Variants in RUSC2 observed in about 807,000 individuals in gnomAD.
RUSC2 encodes RUN and SH3 domain containing 2.
A neutral mutation model predicts 122.2 loss-of-function variants in RUSC2; 34 were observed. The ratio of observed to expected loss-of-function variants is 0.28; its 90% CI spans 0.21 to 0.37. The LOEUF (loss-of-function observed/expected upper bound fraction) is 0.37, where lower values mean the gene tolerates loss of function less well. RUSC2 is among the 10% of genes least tolerant of loss of function. The pLI is 1.00. For synonymous variants in RUSC2, 784 were observed against 790.0 expected, an observed-to-expected ratio of 0.99 and a Z score of 0.13; for missense variants, 1,747 against 1,952.4, an observed-to-expected ratio of 0.89 and a Z score of 1.98.
At chr9:35,553,734 CAG>C (rs1353382758) in intron 2 of RUSC2, among the ~76,000 whole-genome samples, 1 of 152,136 alleles carries the variant, frequency 6.6e-6, no homozygotes, top group Non-Finnish European at 1.5e-5. Context: ...AGGGAGAATG[CAG>C]AGTCTGTGTA....
In RUSC2 at chr9:35,502,870, G is replaced by GT. The variant is rs553766931; in HGVS notation, c.-93+12705dup. On this transcript the variant is annotated intron_variant, in intron 1 of 11. Coordinates refer to ENST00000361226, the MANE Select transcript of RUSC2 (RefSeq NM_014806.5). ...TTTTTTGTTTTTGTTTTTTGTTTTT[G>GT]TTTTTTTGAGACGGAGTTTTGCTCT... is the stretch of plus-strand genomic sequence containing the variant. Among the ~76,000 whole-genome samples the GT allele has an allele frequency of 3.4e-4, 52 of 151,746 alleles. No individual in the cohort carries two copies. The South Asian group carries it at 9.2e-3, about 27-fold the overall frequency.
In RUSC2 at chr9:35,561,259, G is replaced by A. The variant is rs1442254930; in HGVS notation, c.4428G>A (p.Val1476=). The A allele has an allele frequency of 1.2e-6, 2 of 1,614,204 alleles. No homozygotes were observed. The highest frequency in any genetic ancestry group is 1.7e-5 in the Admixed American group (1 of 60,030). Residue 1476 remains valine, a synonymous_variant, in exon 12 of 12, where the codon GTG becomes GTA. Transcript: ENST00000361226. ...TCCACAAAGGAGACATCCTACGAGT[G>A]CTGGGGCGAGCTGGAGGAGACTGGC... The part of the protein sequence containing the change: ...LSFHKGDILR[V]LGRAGGDWLR...
chr9:35,537,128 TTGTCTGTGA>T (rs781448761), intron 1 of RUSC2, among the ~76,000 whole-genome samples: 3 of 152,130 alleles, frequency 2.0e-5, no homozygotes, highest in Non-Finnish European at 2.9e-5. Context: ...AGTGGCAAGG[TTGTCTGTGA>T]TGTAGTGAAT....
In RUSC2 at chr9:35,548,478, C is replaced by A. The variant is rs765382708; in HGVS notation, c.1957C>A (p.Leu653Ile). The A allele has an allele frequency of 6.2e-7, 1 of 1,613,838 alleles. No homozygotes were observed. Among genetic ancestry groups the A allele is most frequent in the Non-Finnish European group, 8.5e-7 (1 of 1,180,024 alleles). ...LAQLMDPGPALPGSPANSHTQ... is the reference protein window; with the variant it reads ...LAQLMDPGPAIPGSPANSHTQ... ...TCAGCTGATGGATCCAGGGCCTGCT[C>A]TCCCAGGGAGCCCAGCCAACAGCCA... is the stretch of plus-strand genomic sequence containing the variant. Residue 653 changes from leucine (L) to isoleucine (I), a missense_variant, in exon 2 of 12, where the codon CTC (leucine) becomes ATC (isoleucine). Coordinates refer to ENST00000361226, the MANE Select transcript of RUSC2 (RefSeq NM_014806.5). This position sits in a 1 kb window ranked among gnomAD's most constrained non-coding sequence, Gnocchi z 4.5.
At chr9:35,507,963 G>C (rs1244153489) in intron 1 of RUSC2, 1 of 157,346 alleles carries the variant, frequency 6.4e-6, no homozygotes, top group African/African-American at 2.4e-5. Context: ...CATCATTACC[G>C]AAGTTAATAT....
rs115304057 is a variant in RUSC2, at chr9:35,518,038, C to T, written c.-93+27866C>T. Among the ~76,000 whole-genome samples, 1,348 of 152,282 alleles carry T rather than the reference C, an allele frequency of 8.9e-3. 15 individuals are homozygous for T. Among genetic ancestry groups the T allele is most frequent in the African/African-American group, 0.029 (1,215 of 41,560 alleles). On this transcript the variant is annotated intron_variant, in intron 1 of 11. Coordinates refer to ENST00000361226, the MANE Select transcript of RUSC2 (RefSeq NM_014806.5). The stretch of plus-strand genomic sequence containing the variant: ...AGCAGTGTTCCTGTCTTTGGGCATC[C>T]TGCCACTATCCTAGGCATGGGTAGT...
At chr9:35,549,921 A>G (rs1005864925) in intron 2 of RUSC2, among the ~76,000 whole-genome samples, 15 of 151,500 alleles carry the variant, frequency 9.9e-5, no homozygotes, top group Non-Finnish European at 1.3e-4. Context: ...TTTAAAAAAA[A>G]AGTAATTGGG....
At chr9:35,539,712 G>A (rs557165473) in intron 1 of RUSC2, among the ~76,000 whole-genome samples, 1 of 152,174 alleles carries the variant, frequency 6.6e-6, no homozygotes, top group African/African-American at 2.4e-5. Context: ...TCTGGCAGGG[G>A]CAGGGACAGT....
chr9:35,555,216 G>C lies in RUSC2; in HGVS notation c.2171G>C (p.Gly724Ala). 6.2e-7 allele frequency: 1 copy of C among 1,613,042 alleles called. No homozygotes were observed. Among genetic ancestry groups the C allele is most frequent in the Non-Finnish European group, 8.5e-7 (1 of 1,180,000 alleles). ...HSLSQLYSLS[G>A]CSRTQQPAPL... Reference sequence around the variant, plus strand: ...CTTTCCCAGCTCTACAGCCTCTCAGGCTGCAGCCGTACACAGCAGCCTGCC... The same window carrying C: ...CTTTCCCAGCTCTACAGCCTCTCAGCCTGCAGCCGTACACAGCAGCCTGCC... Residue 724 changes from glycine (G) to alanine (A), a missense_variant, in exon 3 of 12, where the codon GGC (glycine) becomes GCC (alanine). By Grantham distance (60) the Gly-to-Ala change is moderately conservative. Transcript: ENST00000361226. This position sits in a 1 kb window ranked among gnomAD's most constrained non-coding sequence, Gnocchi z 4.6.
intron 1 of RUSC2, among the ~76,000 whole-genome samples, chr9:35,529,739 A>G (rs1821384841): frequency 1.3e-5 from 2 of 151,996 alleles, no homozygotes; most frequent in Admixed American, 6.6e-5. Context: ...TCATGTTTCC[A>G]TCCTCAGAAT....
intron 2 of RUSC2, among the ~76,000 whole-genome samples, chr9:35,550,879 C>T (rs1450274551): frequency 1.3e-5 from 2 of 151,922 alleles, no homozygotes; most frequent in Admixed American, 6.6e-5. Context: ...AGTTCACCAG[C>T]CTGACCAACA....
intron 2 of RUSC2, among the ~76,000 whole-genome samples, chr9:35,551,610 A>T (rs562823816): frequency 2.6e-5 from 4 of 152,346 alleles, no homozygotes; most frequent in South Asian, 4.1e-4. Context: ...CTATCAGATT[A>T]AGACATATCA....
intron 1 of RUSC2, 76 bp downstream of exon 1, chr9:35,490,248 G>T: frequency 6.5e-6 from 1 of 152,838 alleles, no homozygotes; most frequent in Non-Finnish European, 1.5e-5. Context: ...CCTTAGGGGA[G>T]GGCCTGTCTT....
chr9:35,525,521 C>T (rs923659972), intron 1 of RUSC2, among the ~76,000 whole-genome samples: 3 of 151,778 alleles, frequency 2.0e-5, no homozygotes, highest in African/African-American at 7.3e-5. Flanking sequence ...AATTTTTGGT[C>T]GAGCACGGTG....
intron 1 of RUSC2, among the ~76,000 whole-genome samples, chr9:35,525,887 C>A (rs1322789097): frequency 1.3e-5 from 2 of 152,076 alleles, no homozygotes; most frequent in Non-Finnish European, 2.9e-5. Context: ...GAGTTTGAGA[C>A]CAGCCTGGGC....
chr9:35,549,004 C>A, intron 2 of RUSC2: 2 of 936,496 alleles, frequency 2.1e-6, no homozygotes, highest in Non-Finnish European at 2.5e-6. Flanking sequence ...TGCACTCCAG[C>A]CTGGGCAGAC....
Position 35,558,381 on chromosome 9 carries a change from G to T in RUSC2, c.3235+10G>T, listed in dbSNP as rs762809650. The T allele has an allele frequency of 6.2e-7, 1 of 1,613,880 alleles. No individual in the cohort carries two copies. Among genetic ancestry groups the T allele is most frequent in the Non-Finnish European group, 8.5e-7 (1 of 1,179,820 alleles). ...GCTTCCACACAGCTAGGTAGGTGCT[G>T]GGTGCCAAGACGGGGACCCAGGGCT... On this transcript the variant is annotated intron_variant, in intron 7 of 11. Transcript: ENST00000361226. This position sits in a 1 kb window ranked among gnomAD's most constrained non-coding sequence, Gnocchi z 4.3.
chr9:35,515,955 C>T (rs551563733), intron 1 of RUSC2, among the ~76,000 whole-genome samples: 2 of 134,738 alleles, frequency 1.5e-5, no homozygotes, highest in South Asian at 2.3e-4. Context: ...GCCGAGATTG[C>T]GCCACCACAT....
In RUSC2 at chr9:35,495,251, T is replaced by C. The variant is rs1316749930; in HGVS notation, c.-93+5079T>C. 2.7e-5 allele frequency among the ~76,000 whole-genome samples: 3 copies of C among 109,336 alleles called. No homozygotes were observed. In the East Asian group the frequency reaches 7.1e-4, roughly 26 times the overall value. The allele number at this position is 109,336 out of a possible 152,430, so 71.7% of individuals were successfully genotyped here. A position where few individuals can be genotyped will look rare whatever the true frequency, so the allele number is the denominator to read the frequency against. ...TTTATATTATATATGATATATATAA[T>C]ATATAAAATATATTTTTTATATATT... On this transcript the variant is annotated intron_variant, in intron 1 of 11. Coordinates refer to ENST00000361226, the MANE Select transcript of RUSC2 (RefSeq NM_014806.5).
Sources: allele counts gnomAD v4.1 joint callset (sites outside exome capture counted in the v4.1 genomes callset), GRCh38; gene constraint gnomAD v4.1.1; non-coding constraint Gnocchi (gnomAD v3.1); transcripts MANE v1.5; gene names NCBI Gene and HGNC (gene_info 2026-07-23, HGNC 2026-07-21).